The following IMPG1 variants were observed in gnomAD, a reference collection of about 807,000 sequenced individuals.
IMPG1 encodes the protein interphotoreceptor matrix proteoglycan 1.
Under a neutral mutation model 92.0 loss-of-function variants are expected in IMPG1, and 85 were observed. The ratio of observed to expected loss-of-function variants is 0.92; its 90% confidence interval spans 0.78 to 1.11. The LOEUF (loss-of-function observed/expected upper bound fraction) is 1.11. Among genes scored for constraint, IMPG1 ranks in the 50% least tolerant of loss-of-function variants. IMPG1 has a pLI of 0.00. For missense variants in IMPG1, 1,022 were observed against 956.0 expected (o/e 1.07, Z -0.91); for synonymous variants, 367 against 334.1 (o/e 1.10, Z -1.08).
chr6:76,063,884 G>A (rs1562389480), intron 1 of IMPG1, among the ~76,000 whole-genome samples: 1 of 152,224 alleles, frequency 6.6e-6, no homozygotes, highest in African/African-American at 2.4e-5. Context: ...CCCAGAGTGT[G>A]TGCTTTCTGG....
chr6:76,068,417 A>AGT (rs1226076074), intron 1 of IMPG1, among the ~76,000 whole-genome samples: 44 of 152,210 alleles, frequency 2.9e-4, no homozygotes, highest in African/African-American at 9.4e-4. Context: ...GAGTTACAGA[A>AGT]CACTGCTGAA....
Position 75,923,698 on chromosome 6 carries a change from T to A in IMPG1, c.2252A>T (p.Asp751Val). ...TTTGTATGCTTGATTTTCAGAGTGA[T>A]CTGGCAACCTACAAAAGAAAGCAAA... The part of the protein sequence containing the change: ...QGKGAPCRLP[D>V]HSENQAYKTS... The change falls in exon 16 of 17, where the codon GAT becomes GTT. Residue 751 changes from aspartate (D) to valine (V), a missense_variant. By Grantham distance (152) the Asp-to-Val change is radical. Around this residue, in one of 3 missense-constraint regions of IMPG1, gnomAD observed 332 missense variants for 346.2 expected, o/e 0.96. Transcript: ENST00000369950. The A allele has an allele frequency of 1.3e-6, 2 of 1,593,774 alleles. No individual in the cohort carries two copies. Among genetic ancestry groups the A allele is most frequent in the Non-Finnish European group, 1.7e-6 (2 of 1,163,344 alleles).
chr6:75,948,016 G>A (rs565560155), intron 13 of IMPG1, among the ~76,000 whole-genome samples: 3 of 152,212 alleles, frequency 2.0e-5, no homozygotes, highest in Non-Finnish European at 2.9e-5. Flanking sequence ...GTCTCTCTAC[G>A]CAGTAAATAT....
intron 1 of IMPG1, among the ~76,000 whole-genome samples, chr6:76,054,481 G>T (rs1369781602): frequency 6.6e-6 from 1 of 152,120 alleles, no homozygotes; most frequent in Non-Finnish European, 1.5e-5. Context: ...ATTTAAAAAG[G>T]TTCCCATGAT....
chr6:76,052,185 T>C (rs1032874064), intron 1 of IMPG1, among the ~76,000 whole-genome samples: 7 of 152,012 alleles, frequency 4.6e-5, no homozygotes, highest in African/African-American at 1.7e-4. Context: ...TTGCCAGCTG[T>C]TTAAGTCTGG....
chr6:76,041,998 G>A lies in IMPG1; in HGVS notation c.196C>T (p.His66Tyr), dbSNP rs1263801806. The change falls in exon 2 of 17, where the codon CAT becomes TAT. Residue 66 changes from histidine to tyrosine, a missense_variant. Coordinates refer to ENST00000369950, the MANE Select transcript of IMPG1 (RefSeq NM_001563.4). Reference sequence around the variant, plus strand: ...AAAAATGCGGATCTTTTTGTTCGATGCTTTGCCAAATCGAATATTCGTCTC... The same window carrying A: ...AAAAATGCGGATCTTTTTGTTCGATACTTTGCCAAATCGAATATTCGTCTC... ...TMRRIFDLAK[H>Y]RTKRSAFFPT... 1.2e-6 allele frequency: 2 copies of A among 1,613,402 alleles called. No homozygotes were observed. The highest frequency in any genetic ancestry group is 1.7e-6 in the Non-Finnish European group (2 of 1,179,468).
chr6:76,031,641 G>A (rs117954000), intron 4 of IMPG1, among the ~76,000 whole-genome samples: 2,023 of 152,088 alleles, frequency 0.013, 30 homozygotes, highest in Middle Eastern at 0.034. Context: ...AACAACTCTC[G>A]TTATATCAAA....
intron 2 of IMPG1, among the ~76,000 whole-genome samples, chr6:76,039,356 G>GT (rs34625575): frequency 0.054 from 7,158 of 133,496 alleles, 539 homozygotes; most frequent in African/African-American, 0.17. Flanking sequence ...AGATCTAGCT[G>GT]TTTTTTTTTT....
At position 76,034,789 on chromosome 6, in the gene IMPG1, T is replaced by C. The variant is rs1468714735; in HGVS notation, c.302-2A>G. The C allele has an allele frequency of 6.2e-7, 1 of 1,611,278 alleles. No homozygotes were observed. The highest frequency in any genetic ancestry group is 2.2e-5 in the East Asian group (1 of 44,780). Reference sequence around the variant, plus strand: ...CTTCCCATACTGCTTCCTGACACACTGTAATACAGAGTCATTAATGGCCAT... The same window carrying C: ...CTTCCCATACTGCTTCCTGACACACCGTAATACAGAGTCATTAATGGCCAT... On this transcript the variant is annotated splice_acceptor_variant, in intron 2 of 16. Transcript: ENST00000369950. LOFTEE classifies it high-confidence loss of function.
chr6:75,958,687 C>A (rs1782167895), intron 12 of IMPG1, among the ~76,000 whole-genome samples: 2 of 152,064 alleles, frequency 1.3e-5, no homozygotes, highest in Admixed American at 6.6e-5. Flanking sequence ...AATGTGTATG[C>A]CTCACGAAGT....
Position 76,019,825 on chromosome 6 carries a change from G to T in IMPG1, c.667-967C>A, listed in dbSNP as rs531951138. Among the ~76,000 whole-genome samples, 3 of 152,252 alleles carry T rather than the reference G, an allele frequency of 2.0e-5. No individual in the cohort carries two copies. The South Asian group carries it at 6.2e-4, about 32-fold the overall frequency. On this transcript the variant is annotated intron_variant, in intron 6 of 16. Transcript: ENST00000369950. ...TGGAAGTTTCATGGAACATTTAAAT[G>T]ACTGTGAAATGAAATATTCTGGGGA...
chr6:75,987,427 T>C (rs1782735347), intron 12 of IMPG1, among the ~76,000 whole-genome samples: 1 of 151,510 alleles, frequency 6.6e-6, no homozygotes, highest in Non-Finnish European at 1.5e-5. Flanking sequence ...TTACATTAGG[T>C]ATATCTACTA....
In IMPG1 at chr6:75,930,976, G is replaced by A. The variant is rs1357665042; in HGVS notation, c.2220C>T (p.Leu740=). Residue 740 remains leucine (L), a synonymous_variant, in exon 15 of 17, where the codon CTC becomes CTT. Coordinates refer to ENST00000369950, the MANE Select transcript of IMPG1 (RefSeq NM_001563.4). ...CGPGTKECEV[L]QGKGAPCRLP... is the part of the protein sequence containing the mutation. ...ACCTGCATGGAGCTCCCTTTCCCTG[G>A]AGGACCTCGCATTCCTTTGTGCCAG... is the stretch of plus-strand genomic sequence containing the variant. 13 of 1,614,072 alleles carry A rather than the reference G, an allele frequency of 8.1e-6. No individual in the cohort carries two copies. The highest frequency in any genetic ancestry group is 1.1e-5 in the Non-Finnish European group (13 of 1,180,044).
At chr6:75,953,078 T>C (rs1782060947) in intron 12 of IMPG1, among the ~76,000 whole-genome samples, 1 of 152,210 alleles carries the variant, frequency 6.6e-6, no homozygotes, top group South Asian at 2.1e-4. Context: ...GTTCTTATGA[T>C]GTGATCTCTG....
Position 75,933,169 on chromosome 6 carries a change from A to G in IMPG1, c.2045-2018T>C, listed in dbSNP as rs139228746. ...AAAGCTTGGAAAGAAGGGGGCAAAG[A>G]GACTTGAGATCAATAGCAGATTCAG... On this transcript the variant is annotated intron_variant, in intron 14 of 16. Coordinates refer to ENST00000369950, the MANE Select transcript of IMPG1 (RefSeq NM_001563.4). Among the ~76,000 whole-genome samples, 11 of 152,290 alleles carry G rather than the reference A, an allele frequency of 7.2e-5. No individual in the cohort carries two copies. In the East Asian group the frequency reaches 2.1e-3, roughly 29 times the overall value.
At chr6:76,020,082 T>G (rs1783391370) in intron 6 of IMPG1, among the ~76,000 whole-genome samples, 1 of 152,054 alleles carries the variant, frequency 6.6e-6, no homozygotes, top group African/African-American at 2.4e-5. Context: ...TGACACAGAG[T>G]CTCACTCTGT....
chr6:76,049,316 C>A (rs770392434), intron 1 of IMPG1, among the ~76,000 whole-genome samples: 10 of 152,102 alleles, frequency 6.6e-5, no homozygotes, highest in South Asian at 2.1e-4. Context: ...ATATAATGAA[C>A]CTGCAAATTT....
chr6:76,034,458 T>C, intron 3 of IMPG1, 115 bp from the exon 4 acceptor site: 3 of 1,216,622 alleles, frequency 2.5e-6, no homozygotes, highest in Non-Finnish European at 3.6e-6. Context: ...GACTGTACCA[T>C]ATTATTTTGC....
At chr6:75,974,589 C>G (rs1782504915) in intron 12 of IMPG1, among the ~76,000 whole-genome samples, 1 of 151,546 alleles carries the variant, frequency 6.6e-6, no homozygotes, top group South Asian at 2.1e-4. Context: ...CCTACCTCAG[C>G]CTCCCGAGTA....
Sources: gnomAD v4.1 joint callset for allele counts (sites outside exome capture counted in the v4.1 genomes callset) on GRCh38, gnomAD v4.1.1 for gene constraint, gnomAD v4.1.1 regional missense constraint, MANE v1.5 for transcripts, NCBI Gene and HGNC (gene_info 2026-07-23, HGNC 2026-07-21) for gene names.